KRT2: variants seen among roughly 807,000 people sequenced by gnomAD.
KRT2 encodes the protein keratin 2, also known as keratin, type II cytoskeletal 2 epidermal.
In KRT2, 37 loss-of-function variants were observed where a neutral mutation model predicts 48.5. That is an observed-to-expected ratio of 0.76 (90% CI 0.59 to 1.00). KRT2 has a LOEUF of 1.00. Among genes scored for constraint, KRT2 ranks in the 50% least tolerant of loss-of-function variants. The probability of loss-of-function intolerance (pLI) is 0.00; values close to 1 mark genes in which losing one functional copy is unlikely to be tolerated. For missense variants in KRT2, 880 were observed against 815.2 expected (o/e 1.08, Z -0.97); for synonymous variants, 324 against 312.2 (o/e 1.04, Z -0.40).
intron 2 of KRT2, 126 bp downstream of exon 2, chr12:52,650,213 A>G: frequency 1.1e-6 from 1 of 890,776 alleles, no homozygotes; most frequent in South Asian, 1.3e-5. Flanking sequence ...AATAATCAAC[A>G]AAGATACATA....
intron 2 of KRT2, 117 bp downstream of exon 2, chr12:52,650,222 T>A (rs186733305): frequency 1.1e-6 from 1 of 912,704 alleles, no homozygotes; most frequent in Admixed American, 1.7e-5. Context: ...CAAAGATACA[T>A]ATGCCTCTCC....
intron 8 of KRT2, 23 bp from the exon 9 acceptor site, chr12:52,645,457 C>T (rs756597090): frequency 6.2e-7 from 1 of 1,614,170 alleles, no homozygotes; most frequent in Non-Finnish European, 8.5e-7. Context: ...GTGGTGTTAC[C>T]ACAGAGATTA....
rs1283115699 is a variant in KRT2 at position 52,646,775 on chromosome 12, G to T, written c.1434C>A (p.Ala478=). ...NVKLALDVEI[A]TYRKLLEGEE... ...CGCCCTCCAGCAGTTTGCGGTAGGT[G>T]GCGATCTCCACATCTAGGGCCAGCT... The change falls in exon 7 of 9, where the codon GCC becomes GCA. Residue 478 remains alanine (A), a synonymous_variant. Transcript: ENST00000309680. The T allele has an allele frequency of 3.7e-6, 6 of 1,613,938 alleles. No individual in the cohort carries two copies. The highest frequency in any genetic ancestry group is 5.1e-6 in the Non-Finnish European group (6 of 1,180,004).
At chr12:52,645,485 C>T (rs772621845) in intron 8 of KRT2, 50 bp downstream of exon 8, 2 of 1,613,974 alleles carry the variant, frequency 1.2e-6, no homozygotes, top group Non-Finnish European at 1.7e-6. Context: ...CTCTCCCTGC[C>T]TCCACCTGAC....
At chr12:52,649,237 T>C in intron 3 of KRT2, 135 bp from the exon 4 acceptor site, 1 of 700,604 alleles carries the variant, frequency 1.4e-6, no homozygotes, top group Non-Finnish European at 2.6e-6. Flanking sequence ...CCTGTCCCCA[T>C]GGGACTTCTT....
chr12:52,651,603 C>T lies in KRT2; in HGVS notation c.540G>A (p.Glu180=). The T allele has an allele frequency of 1.2e-6, 2 of 1,614,184 alleles. No homozygotes were observed. Among genetic ancestry groups the T allele is most frequent in the Non-Finnish European group, 1.7e-6 (2 of 1,180,032 alleles). ...ATTTGTTGTTGAGAGTTTTGATCTG[C>T]TCACGCTCTTGGGCCTTCACATTCT... ...EIQNVKAQER[E]QIKTLNNKFA... The change falls in exon 1 of 9, where the codon GAG becomes GAA. Residue 180 remains glutamate, a synonymous_variant. Transcript: ENST00000309680.
In KRT2 at chr12:52,652,101, T is replaced by G. The variant is rs1447622852; in HGVS notation, c.42A>C (p.Gly14=). Residue 14 remains glycine, a synonymous_variant, in exon 1 of 9, where the codon GGA becomes GGC. Transcript: ENST00000309680. ...TGAAGCCCCGGAATCCTCCTCCACC[T>G]CCTCCTCTTCCTCGAGATTTGCAAG... is the stretch of plus-strand genomic sequence containing the variant. ...QISCKSRGRG[G]GGGGFRGFSS... The G allele has an allele frequency of 1.9e-6, 3 of 1,575,454 alleles. No individual in the cohort carries two copies. The highest frequency in any genetic ancestry group is 2.6e-6 in the Non-Finnish European group (3 of 1,166,730).
In KRT2 at chr12:52,651,887, C is replaced by T. The variant is rs779847057; in HGVS notation, c.256G>A (p.Ala86Thr). 93 of 1,578,712 alleles carry T rather than the reference C, an allele frequency of 5.9e-5. No homozygotes were observed. The highest frequency in any genetic ancestry group is 1.7e-4 in the Middle Eastern group (1 of 6,014). Residue 86 changes from alanine (A) to threonine (T), a missense_variant, in exon 1 of 9, where the codon GCT (alanine) becomes ACT (threonine). Physicochemically the swap from Ala to Thr is moderately conservative, Grantham distance 58. Transcript: ENST00000309680. ...CCTCCTCTGCCACCAAATCCACCAGCGGCGCCAAAGCCACCACCTCCTCCA... is the reference window on the plus strand; with the variant it reads ...CCTCCTCTGCCACCAAATCCACCAGTGGCGCCAAAGCCACCACCTCCTCCA... Reference protein sequence around the residue: ...VAGGGGGFGAAGGFGGRGGGF... With the variant: ...VAGGGGGFGATGGFGGRGGGF...
rs1941266099 is a variant in KRT2 at position 52,652,195 on chromosome 12, G to T, written c.-53C>A. 7.4e-7 allele frequency: 1 copy of T among 1,354,736 alleles called. No individual in the cohort carries two copies. The highest frequency in any genetic ancestry group is 1.4e-5 in the African/African-American group (1 of 69,556). 83.9% of individuals were successfully genotyped at this position (1,354,736 alleles called of 1,614,324 possible). A position where few individuals can be genotyped will look rare whatever the true frequency, so the allele number is the denominator to read the frequency against. ...CAGGCTCTTGAGAAGAGTCAAGGCT[G>T]GAGACTCAACTGTGCTGCTGGGAGG... On this transcript the variant is annotated 5_prime_UTR_variant, in exon 1 of 9. Coordinates refer to ENST00000309680, the MANE Select transcript of KRT2 (RefSeq NM_000423.3).
Position 52,649,899 on chromosome 12 carries a change from C to T in KRT2, c.861+15G>A. 1 of 1,609,638 alleles carries T rather than the reference C, an allele frequency of 6.2e-7. No individual in the cohort carries two copies. Among genetic ancestry groups the T allele is most frequent in the East Asian group, 2.2e-5 (1 of 44,872 alleles). On this transcript the variant is annotated intron_variant, in intron 3 of 8. Transcript: ENST00000309680. The stretch of plus-strand genomic sequence containing the variant: ...CTCCTATCCCCACCCCCAGCCAAGA[C>T]ATTCTCTCGCTCACCTTTTTAAGCG...
In KRT2 at chr12:52,652,159, G is replaced by A. The variant is rs759060135; in HGVS notation, c.-17C>T. 5 of 1,519,996 alleles carry A rather than the reference G, an allele frequency of 3.3e-6. No homozygotes were observed. In the South Asian group the frequency reaches 6.0e-5, roughly 18 times the overall value. 94.2% of individuals were successfully genotyped at this position (1,519,996 alleles called of 1,614,324 possible). On this transcript the variant is annotated 5_prime_UTR_variant, in exon 1 of 9. Transcript: ENST00000309680. ...ACAACTCATGATGCCTTTGTCCAGG[G>A]AGGAAAGTCACAGGCTCTTGAGAAG...
chr12:52,649,928 C>G lies in KRT2; in HGVS notation c.847G>C (p.Val283Leu). The G allele has an allele frequency of 1.2e-6, 2 of 1,613,806 alleles. No homozygotes were observed. Among genetic ancestry groups the G allele is most frequent in the Non-Finnish European group, 1.7e-6 (2 of 1,179,684 alleles). Reference protein sequence around the residue: ...NKRTAAENDFVTLKKDVDNAY... With the variant: ...NKRTAAENDFLTLKKDVDNAY... The stretch of plus-strand genomic sequence containing the variant: ...CTCTCGCTCACCTTTTTAAGCGTCA[C>G]AAAATCATTCTCAGCAGCTGTGCGC... Residue 283 changes from valine (V) to leucine (L), a missense_variant, in exon 3 of 9, where the codon GTG becomes CTG. Val to Leu is a conservative substitution (Grantham distance 32). Coordinates refer to ENST00000309680, the MANE Select transcript of KRT2 (RefSeq NM_000423.3).
rs951473879 is a variant in KRT2 at position 52,646,129 on chromosome 12, G to A, written c.1470-560C>T. 2.0e-5 allele frequency among the ~76,000 whole-genome samples: 3 copies of A among 152,364 alleles called. No individual in the cohort carries two copies. In the East Asian group the frequency reaches 5.8e-4, roughly 29 times the overall value. On this transcript the variant is annotated intron_variant, in intron 7 of 8. Coordinates refer to ENST00000309680, the MANE Select transcript of KRT2 (RefSeq NM_000423.3). ...AAGCCACTCCCTGTTTGTCATGCTG[G>A]CTTGCTGATGGCCTGGGGTAGCTTT...
chr12:52,651,877 A>G lies in KRT2; in HGVS notation c.266T>C (p.Phe89Ser). The G allele has an allele frequency of 7.2e-7, 1 of 1,380,302 alleles. No individual in the cohort carries two copies. The highest frequency in any genetic ancestry group is 1.0e-6 in the Non-Finnish European group (1 of 997,132). 85.5% of individuals were successfully genotyped at this position (1,380,302 alleles called of 1,614,324 possible). ...GGGGFGAAGGFGGRGGGFGGG... is the reference protein window; with the variant it reads ...GGGGFGAAGGSGGRGGGFGGG... ...TCCAAAACCACCTCCTCTGCCACCAAATCCACCAGCGGCGCCAAAGCCACC... is the reference window on the plus strand; with the variant it reads ...TCCAAAACCACCTCCTCTGCCACCAGATCCACCAGCGGCGCCAAAGCCACC... Residue 89 changes from phenylalanine to serine, a missense_variant, in exon 1 of 9, where the codon TTT becomes TCT. Phe to Ser is a radical substitution (Grantham distance 155). Transcript: ENST00000309680.
chr12:52,649,819 G>T, intron 3 of KRT2, 95 bp downstream of exon 3: 1 of 922,486 alleles, frequency 1.1e-6, no homozygotes, highest in Non-Finnish European at 1.8e-6. Flanking sequence ...TGCTGCTTTT[G>T]CACTCACAGT....
rs76412202 is a variant in KRT2, at chr12:52,651,803, C to T, written c.340G>A (p.Gly114Ser). The T allele has an allele frequency of 5.3e-4, 748 of 1,401,164 alleles. 2 individuals carry two copies. In the African/African-American group the frequency reaches 8.9e-3, roughly 17 times the overall value. The allele number at this position is 1,401,164 out of a possible 1,614,324, so 86.8% of individuals were successfully genotyped here. A position where few individuals can be genotyped will look rare whatever the true frequency, so the allele number is the denominator to read the frequency against. Residue 114 changes from glycine to serine, a missense_variant, in exon 1 of 9, where the codon GGT (glycine) becomes AGT (serine). Transcript: ENST00000309680. ...CGGCCTCCACCAAAGCCGCCTCCAC[C>T]GAAACCACCACCACTGAAGCCGCTG... ...GGSGFSGGGF[G>S]GGGFGGGRFG...
At position 52,646,735 on chromosome 12, in the gene KRT2, C is replaced by T. The variant is rs370363419; in HGVS notation, c.1469+5G>A. ...GGTCCCCTTCTCCCTTCCCAGTGCC[C>T]TCACCTGCACTCCTCGCCCTCCAGC... On this transcript the variant is annotated splice_donor_5th_base_variant and intron_variant, in intron 7 of 8. Coordinates refer to ENST00000309680, the MANE Select transcript of KRT2 (RefSeq NM_000423.3). 6 of 1,613,848 alleles carry T rather than the reference C, an allele frequency of 3.7e-6. No individual in the cohort carries two copies. The highest frequency in any genetic ancestry group is 5.1e-6 in the Non-Finnish European group (6 of 1,179,894).
At position 52,645,579 on chromosome 12, in the gene KRT2, A is replaced by G. The variant is rs1449933909; in HGVS notation, c.1470-10T>C. ...GAGGTCTCCAGACATCCTGTAAGGG[A>G]GAGAGAAAAAACAAGTTGTGGTGGA... On this transcript the variant is annotated splice_polypyrimidine_tract_variant and intron_variant, in intron 7 of 8. Coordinates refer to ENST00000309680, the MANE Select transcript of KRT2 (RefSeq NM_000423.3). The G allele has an allele frequency of 3.1e-6, 5 of 1,614,070 alleles. No individual in the cohort carries two copies. Among genetic ancestry groups the G allele is most frequent in the Non-Finnish European group, 3.4e-6 (4 of 1,179,912 alleles).
At position 52,651,567 on chromosome 12, in the gene KRT2, G is replaced by A. The variant is rs767985344; in HGVS notation, c.576C>T (p.Phe192=). The change falls in exon 1 of 9, where the codon TTC becomes TTT. Residue 192 remains phenylalanine, a synonymous_variant. Coordinates refer to ENST00000309680, the MANE Select transcript of KRT2 (RefSeq NM_000423.3). ...TCTTCTCCAGAGTCACCTTGTCAAT[G>A]AAGGAGGCAAATTTGTTGTTGAGAG... ...IKTLNNKFAS[F]IDKVRFLEQQ... 3 of 1,613,248 alleles carry A rather than the reference G, an allele frequency of 1.9e-6. No individual in the cohort carries two copies. The highest frequency in any genetic ancestry group is 2.5e-6 in the Non-Finnish European group (3 of 1,179,202).
Sources: allele counts gnomAD v4.1 joint callset (sites outside exome capture counted in the v4.1 genomes callset), GRCh38; gene constraint gnomAD v4.1.1; transcripts MANE v1.5; gene names NCBI Gene and HGNC (gene_info 2026-07-23, HGNC 2026-07-21).